Variants in SESTD1 observed in about 807,000 individuals in gnomAD.
The protein encoded by SESTD1 is SEC14 domain and spectrin repeat-containing protein 1.
A neutral mutation model predicts 101.7 loss-of-function variants in SESTD1; 43 were observed. The ratio of observed to expected loss-of-function variants is 0.42; its 90% CI spans 0.33 to 0.55. The LOEUF (loss-of-function observed/expected upper bound fraction) is 0.55, where lower values mean the gene tolerates loss of function less well. Ranked by LOEUF, SESTD1 falls within the 20% of genes least tolerant of loss-of-function variation. SESTD1 has a pLI of 0.07. For synonymous variants in SESTD1, 283 were observed against 286.8 expected (o/e 0.99, Z 0.13); for missense variants, 647 against 815.1 (o/e 0.79, Z 2.51).
rs1352520860 is a variant in SESTD1, at chr2:179,112,825, T to C, written c.1860A>G (p.Glu620=). Residue 620 remains glutamate, a synonymous_variant, in exon 17 of 18, where the codon GAA becomes GAG. Coordinates refer to ENST00000428443, the MANE Select transcript of SESTD1 (RefSeq NM_178123.5). ...CCTCATCATTAATAGCTTCAGGCTC[T>C]TCTGGACAGTCCTGCAAAATCTGCA... The part of the protein sequence containing the change: ...NAEKILQDCP[E]EPEAINDEEQ... 8.7e-6 allele frequency: 14 copies of C among 1,611,948 alleles called. No individual in the cohort carries two copies. The highest frequency in any genetic ancestry group is 1.1e-5 in the Non-Finnish European group (13 of 1,179,850).
chr2:179,115,147 A>C lies in SESTD1; in HGVS notation c.1757T>G (p.Val586Gly). The C allele has an allele frequency of 6.2e-7, 1 of 1,613,892 alleles. No individual in the cohort carries two copies. Among genetic ancestry groups the C allele is most frequent in the Non-Finnish European group, 8.5e-7 (1 of 1,179,936 alleles). The change falls in exon 16 of 18, where the codon GTA (valine) becomes GGA (glycine). Residue 586 changes from valine (V) to glycine (G), a missense_variant. Val to Gly is a moderately radical substitution (Grantham distance 109). Transcript: ENST00000428443. ...AGATGCTATTGTAAATTGTTTCCAT[A>C]CTCTGTTCAGTCGAGGAAGTGTATC... ...SGDTLPRLNR[V>G]WKQFTIASEE...
At chr2:179,124,781 C>T (rs372917564) in intron 10 of SESTD1, among the ~76,000 whole-genome samples, 1 of 151,982 alleles carries the variant, frequency 6.6e-6, no homozygotes, top group South Asian at 2.1e-4. Flanking sequence ...GAAACCTGTC[C>T]GCCCTCAGTC....
intron 4 of SESTD1, 43 bp from the exon 5 acceptor site, chr2:179,172,276 T>C: frequency 7.8e-7 from 1 of 1,277,276 alleles, no homozygotes; most frequent in Non-Finnish European, 1.1e-6. Flanking sequence ...ACATGTAAAA[T>C]GAATAATTTA....
chr2:179,162,835 A>G (rs2045762952), intron 5 of SESTD1, among the ~76,000 whole-genome samples: 1 of 151,676 alleles, frequency 6.6e-6, no homozygotes, highest in East Asian at 1.9e-4. Context: ...AAAAAAAAAA[A>G]AAAAAATTAG....
chr2:179,259,169 T>C (rs143545506), intron 1 of SESTD1, among the ~76,000 whole-genome samples: 51 of 152,304 alleles, frequency 3.3e-4, no homozygotes, highest in African/African-American at 1.0e-3. Context: ...CTCTATCTGA[T>C]AGGATTATTG....
chr2:179,245,514 T>C (rs1274874742), intron 1 of SESTD1, among the ~76,000 whole-genome samples: 10 of 51,474 alleles, frequency 1.9e-4, no homozygotes, highest in African/African-American at 1.3e-3. Flanking sequence ...AGACTCTGTC[T>C]CAAAAAAAAA....
chr2:179,121,644 A>T (rs976101579), intron 13 of SESTD1, 126 bp downstream of exon 13: 1 of 683,822 alleles, frequency 1.5e-6, no homozygotes, highest in African/African-American at 1.9e-5. Flanking sequence ...CATTCACCAA[A>T]AACCTACTAC....
At chr2:179,253,680 G>A (rs12989055) in intron 1 of SESTD1, among the ~76,000 whole-genome samples, 16,466 of 152,112 alleles carry the variant, frequency 0.11, 1,114 homozygotes, top group South Asian at 0.22. Flanking sequence ...GAAATCATAT[G>A]CATATATATA....
intron 1 of SESTD1, among the ~76,000 whole-genome samples, chr2:179,216,531 A>G (rs2046723140): frequency 7.4e-6 from 1 of 135,430 alleles, no homozygotes; most frequent in African/African-American, 2.9e-5. Flanking sequence ...GGAAGAATCA[A>G]TATTGTGAAA....
chr2:179,251,699 T>C (rs1468578782), intron 1 of SESTD1, among the ~76,000 whole-genome samples: 5 of 152,216 alleles, frequency 3.3e-5, no homozygotes, highest in Non-Finnish European at 7.3e-5. Context: ...GGTAGGTGAT[T>C]AGTTCATCAG....
chr2:179,146,421 A>T lies in SESTD1; in HGVS notation c.618T>A (p.Pro206=). ...TCTTACCTGTCTGAAGAACTGTTTC[A>T]GGATCAACCGATGGAAGAAAGTTTA... is the stretch of plus-strand genomic sequence containing the variant. ...VDLNFLPSVD[P]ETVLQTGHEL... The change falls in exon 8 of 18, where the codon CCT becomes CCA. Residue 206 remains proline (P), a synonymous_variant. Transcript: ENST00000428443. 6.2e-7 allele frequency: 1 copy of T among 1,612,812 alleles called. No homozygotes were observed. Among genetic ancestry groups the T allele is most frequent in the Non-Finnish European group, 8.5e-7 (1 of 1,179,514 alleles).
chr2:179,190,093 A>G (rs2046298515), intron 2 of SESTD1, among the ~76,000 whole-genome samples: 1 of 152,198 alleles, frequency 6.6e-6, no homozygotes. Context: ...AATTAGCTAC[A>G]GCAATTCTAA....
chr2:179,137,962 T>C (rs1415770292), intron 9 of SESTD1, among the ~76,000 whole-genome samples: 1 of 152,218 alleles, frequency 6.6e-6, no homozygotes, highest in Admixed American at 6.5e-5. Context: ...AATGTTACTA[T>C]ATAGTTCAAT....
chr2:179,245,200 G>A (rs563780762), intron 1 of SESTD1, among the ~76,000 whole-genome samples: 5 of 152,008 alleles, frequency 3.3e-5, no homozygotes, highest in African/African-American at 1.2e-4. Flanking sequence ...GCAAGACCCT[G>A]TCTCTACAAA....
chr2:179,184,982 T>C (rs2105488822), intron 2 of SESTD1, among the ~76,000 whole-genome samples: 1 of 152,202 alleles, frequency 6.6e-6, no homozygotes, highest in East Asian at 1.9e-4. Context: ...AAGCATCAAA[T>C]GCTACACAGA....
rs191572992 is a variant in SESTD1 at position 179,119,781 on chromosome 2, C to T, written c.1442+1989G>A. Among the ~76,000 whole-genome samples the T allele has an allele frequency of 1.6e-4, 25 of 152,264 alleles. No homozygotes were observed. The East Asian group carries it at 4.4e-3, about 27-fold the overall frequency. On this transcript the variant is annotated intron_variant, in intron 13 of 17. Coordinates refer to ENST00000428443, the MANE Select transcript of SESTD1 (RefSeq NM_178123.5). ...GGTTGTTTAAAAGTGTGCCGCACCT[C>T]CCCCTTCACTCTTTTCCTCTTTCTC... is the stretch of plus-strand genomic sequence containing the variant.
intron 16 of SESTD1, 61 bp from the exon 17 acceptor site, chr2:179,112,906 G>C: frequency 6.6e-7 from 1 of 1,524,072 alleles, no homozygotes. Context: ...AGTTTCAGAG[G>C]ATCACCCCAC....
intron 5 of SESTD1, among the ~76,000 whole-genome samples, chr2:179,160,713 G>C (rs2045719214): frequency 1.3e-5 from 2 of 152,012 alleles, no homozygotes; most frequent in African/African-American, 4.8e-5. Context: ...TTTTCTAAAA[G>C]TATCCAGCAT....
intron 1 of SESTD1, among the ~76,000 whole-genome samples, chr2:179,210,395 C>T (rs2105516677): frequency 7.5e-6 from 1 of 133,954 alleles, no homozygotes; most frequent in East Asian, 2.0e-4. Context: ...AAACTACAGA[C>T]CAATATCCCT....
Sources: gnomAD v4.1 joint callset for allele counts (sites outside exome capture counted in the v4.1 genomes callset) on GRCh38, gnomAD v4.1.1 for gene constraint, MANE v1.5 for transcripts, NCBI Gene and HGNC (gene_info 2026-07-23, HGNC 2026-07-21) for gene names.